The following PPP1R1B variants were observed in gnomAD, a reference collection of about 807,000 sequenced individuals.
PPP1R1B encodes the protein protein phosphatase 1 regulatory subunit 1B.
PPP1R1B carries 13 observed loss-of-function variants against 28.2 expected under a neutral mutation model. That is an observed-to-expected ratio of 0.46 (90% CI 0.30 to 0.73). The LOEUF (loss-of-function observed/expected upper bound fraction) is 0.73, where lower values mean the gene tolerates loss of function less well. Ranked by LOEUF, PPP1R1B falls within the 30% of genes least tolerant of loss-of-function variation. The pLI, the probability that PPP1R1B is intolerant of heterozygous loss-of-function variation, is 0.07. For missense variants in PPP1R1B, 236 were observed against 256.7 expected (o/e 0.92, Z 0.55); for synonymous variants, 102 against 97.5 (o/e 1.05, Z -0.27).
chr17:39,633,796 G>A (rs891156659), intron 4 of PPP1R1B, 87 bp from the exon 5 acceptor site: 86 of 1,583,418 alleles, frequency 5.4e-5, no homozygotes, highest in Non-Finnish European at 7.3e-5. Context: ...CTACGGGAAG[G>A]AGGCTGGGGG....
intron 1 of PPP1R1B, 97 bp downstream of exon 1, chr17:39,627,570 G>T (rs2056846653): frequency 5.2e-6 from 4 of 772,346 alleles, no homozygotes; most frequent in Admixed American, 3.4e-5. Flanking sequence ...CTGGCCTGGG[G>T]GTGGGGGCGC....
rs1340683116 is a variant in PPP1R1B at position 39,636,067 on chromosome 17, T to A, written c.*202T>A. The A allele has an allele frequency of 1.7e-6, 1 of 593,408 alleles. No homozygotes were observed. Among genetic ancestry groups the A allele is most frequent in the African/African-American group, 1.9e-5 (1 of 53,656 alleles). 36.8% of individuals were successfully genotyped at this position (593,408 alleles called of 1,614,324 possible). Reference sequence around the variant, plus strand: ...CCAGAGAACCTGGGCACTTGCTGCCTGATGCCCACCCCTGCCAGTCATTCC... The same window carrying A: ...CCAGAGAACCTGGGCACTTGCTGCCAGATGCCCACCCCTGCCAGTCATTCC... On this transcript the variant is annotated 3_prime_UTR_variant, in exon 7 of 7. Transcript: ENST00000254079.
intron 2 of PPP1R1B, 121 bp from the exon 3 acceptor site, chr17:39,629,419 C>A (rs1041066637): frequency 1.1e-5 from 15 of 1,404,788 alleles, no homozygotes; most frequent in African/African-American, 5.7e-5. Flanking sequence ...AGAGGGCACA[C>A]TTTCCCTGTC....
At chr17:39,633,741 G>T (rs1352123429) in intron 4 of PPP1R1B, 142 bp from the exon 5 acceptor site, 15 of 1,458,062 alleles carry the variant, frequency 1.0e-5, no homozygotes, top group Admixed American at 2.1e-5. Context: ...TGTCAACTTT[G>T]GCCTTTGAAC....
intron 1 of PPP1R1B, chr17:39,628,765 C>G: frequency 2.1e-6 from 2 of 964,302 alleles, no homozygotes; most frequent in Non-Finnish European, 2.5e-6. Flanking sequence ...AGGGCCCAGC[C>G]GTGGCAGCTG....
chr17:39,633,618 A>G (rs565802008), intron 4 of PPP1R1B: 44 of 419,372 alleles, frequency 1.0e-4, no homozygotes, highest in African/African-American at 8.3e-4. Context: ...CTAGTGCCCT[A>G]TGGTGTGGGG....
chr17:39,633,619 T>C, intron 4 of PPP1R1B: 1 of 424,846 alleles, frequency 2.4e-6, no homozygotes. Flanking sequence ...TAGTGCCCTA[T>C]GGTGTGGGGG....
Position 39,635,858 on chromosome 17 carries a change from G to A in PPP1R1B, c.608G>A (p.Gly203Asp). The A allele has an allele frequency of 1.2e-6, 2 of 1,612,824 alleles. No homozygotes were observed. The highest frequency in any genetic ancestry group is 1.7e-6 in the Non-Finnish European group (2 of 1,179,952). ...EPQRPSPSEP[G>D]T ...CAGCGCCCTTCCCCCTCTGAGCCTG[G>A]CACATAGGCACCCAGCCTGCATCTC... Residue 203 changes from glycine to aspartate, a missense_variant, in exon 7 of 7, where the codon GGC becomes GAC. Gly to Asp is a moderately conservative substitution (Grantham distance 94, BLOSUM62 -1). Transcript: ENST00000254079.
At chr17:39,629,849 T>C in intron 3 of PPP1R1B, 123 bp from the exon 4 acceptor site, 1 of 1,077,470 alleles carries the variant, frequency 9.3e-7, no homozygotes. Context: ...TCAGCCTAGG[T>C]GCAGGACCCA....
chr17:39,627,353 C>A lies in PPP1R1B; in HGVS notation c.-40C>A. The A allele has an allele frequency of 6.9e-7, 1 of 1,452,550 alleles. No individual in the cohort carries two copies. The highest frequency in any genetic ancestry group is 9.5e-7 in the Non-Finnish European group (1 of 1,053,178). 90.0% of individuals were successfully genotyped at this position (1,452,550 alleles called of 1,614,324 possible). A position where few individuals can be genotyped will look rare whatever the true frequency, so the allele number is the denominator to read the frequency against. On this transcript the variant is annotated 5_prime_UTR_variant, in exon 1 of 7. Transcript: ENST00000254079. ...CCAGCACAGACCGCCGCCGGGACCC[C>A]GAGTCGCGCACCCCAGCCCCACCGC...
At chr17:39,631,422 G>A (rs912177613) in intron 4 of PPP1R1B, among the ~76,000 whole-genome samples, 5 of 152,164 alleles carry the variant, frequency 3.3e-5, no homozygotes, top group Admixed American at 1.3e-4. Flanking sequence ...AGGAGGCTTC[G>A]TTTCTAGTCA....
chr17:39,630,910 A>C (rs1308415260), intron 4 of PPP1R1B, among the ~76,000 whole-genome samples: 1 of 152,234 alleles, frequency 6.6e-6, no homozygotes, highest in East Asian at 1.9e-4. Context: ...TCTCTATTAA[A>C]AATACAAAAT....
chr17:39,627,694 A>G (rs2056847655), intron 1 of PPP1R1B, among the ~76,000 whole-genome samples: 1 of 146,708 alleles, frequency 6.8e-6, no homozygotes. Flanking sequence ...GGGGCAAGAG[A>G]GTTCCTGGCA....
chr17:39,634,131 C>A, intron 5 of PPP1R1B, 45 bp downstream of exon 5: 1 of 1,608,004 alleles, frequency 6.2e-7, no homozygotes, highest in Admixed American at 1.7e-5. Context: ...GTGGGTCCTC[C>A]TTGAGTATAC....
chr17:39,627,370 C>T lies in PPP1R1B; in HGVS notation c.-23C>T, dbSNP rs775286170. The T allele has an allele frequency of 5.1e-6, 8 of 1,561,788 alleles. No individual in the cohort carries two copies. The East Asian group carries it at 1.6e-4, about 32-fold the overall frequency. The stretch of plus-strand genomic sequence containing the variant: ...CGGGACCCCGAGTCGCGCACCCCAG[C>T]CCCACCGCCCACCCCGCGCGCCATG... On this transcript the variant is annotated 5_prime_UTR_variant, in exon 1 of 7. Coordinates refer to ENST00000254079, the MANE Select transcript of PPP1R1B (RefSeq NM_032192.4).
At position 39,636,118 on chromosome 17, in the gene PPP1R1B, T is replaced by G. The variant is rs766190482; in HGVS notation, c.*253T>G. ...TCCATTCACCCAGCGGGAGGTGGGA[T>G]GTGAGACAGCCCACATTGGAAAATC... On this transcript the variant is annotated 3_prime_UTR_variant, in exon 7 of 7. Coordinates refer to ENST00000254079, the MANE Select transcript of PPP1R1B (RefSeq NM_032192.4). 2 of 545,120 alleles carry G rather than the reference T, an allele frequency of 3.7e-6. No homozygotes were observed. The highest frequency in any genetic ancestry group is 6.6e-6 in the Non-Finnish European group (2 of 303,216). 33.8% of individuals were successfully genotyped at this position (545,120 alleles called of 1,614,324 possible).
At chr17:39,630,656 G>A (rs1290441743) in intron 4 of PPP1R1B, among the ~76,000 whole-genome samples, 1 of 152,218 alleles carries the variant, frequency 6.6e-6, no homozygotes, top group Non-Finnish European at 1.5e-5. Flanking sequence ...AAGTAAGGTG[G>A]CTCACACCTG....
chr17:39,627,268 C>A lies in PPP1R1B; in HGVS notation c.-125C>A, dbSNP rs1202965073. 1.6e-6 allele frequency: 1 copy of A among 633,094 alleles called. No homozygotes were observed. 39.2% of individuals were successfully genotyped at this position (633,094 alleles called of 1,614,324 possible). On this transcript the variant is annotated 5_prime_UTR_variant, in exon 1 of 7. Coordinates refer to ENST00000254079, the MANE Select transcript of PPP1R1B (RefSeq NM_032192.4). ...CCTCGGCGGGCACGGTATTTTTATC[C>A]GTGCGCGAACAGCCCTCCTCCTCCT... is the stretch of plus-strand genomic sequence containing the variant.
rs1405663501 is a variant in PPP1R1B at position 39,627,360 on chromosome 17, C to G, written c.-33C>G. ...AGACCGCCGCCGGGACCCCGAGTCG[C>G]GCACCCCAGCCCCACCGCCCACCCC... On this transcript the variant is annotated 5_prime_UTR_variant, in exon 1 of 7. Transcript: ENST00000254079. 2.0e-6 allele frequency: 3 copies of G among 1,512,106 alleles called. No homozygotes were observed. The highest frequency in any genetic ancestry group is 3.5e-5 in the Admixed American group (2 of 56,666). 93.7% of individuals were successfully genotyped at this position (1,512,106 alleles called of 1,614,324 possible).
Sources: allele counts gnomAD v4.1 joint callset (sites outside exome capture counted in the v4.1 genomes callset), GRCh38; gene constraint gnomAD v4.1.1; transcripts MANE v1.5; gene names NCBI Gene and HGNC (gene_info 2026-07-23, HGNC 2026-07-21).